Variants in RAD52 observed in about 807,000 individuals in gnomAD.
RAD52 encodes RAD52 DNA repair protein.
In RAD52, 47 loss-of-function variants were observed where a neutral mutation model predicts 55.5. The ratio of observed to expected loss-of-function variants is 0.85; its 90% CI spans 0.67 to 1.08. The LOEUF is 1.08. RAD52 is among the 50% of genes least tolerant of loss of function. The pLI is 0.00. For synonymous variants in RAD52, 184 were observed against 198.9 expected (o/e 0.92, Z 0.63); for missense variants, 468 against 522.8 (o/e 0.90, Z 1.02).
rs990128109 is a variant in RAD52, at chr12:913,327, G to A, written c.*64C>T. Reference sequence around the variant, plus strand: ...CTCCAGCAGCGATGAACAATTTCATGACCAAAAAGTAGTTTTCCAAAGTCC... The same window carrying A: ...CTCCAGCAGCGATGAACAATTTCATAACCAAAAAGTAGTTTTCCAAAGTCC... On this transcript the variant is annotated 3_prime_UTR_variant, in exon 12 of 12. Coordinates refer to ENST00000358495, the MANE Select transcript of RAD52 (RefSeq NM_134424.4). 11 of 1,228,618 alleles carry A rather than the reference G, an allele frequency of 9.0e-6. No individual in the cohort carries two copies. The highest frequency in any genetic ancestry group is 1.3e-5 in the Non-Finnish European group (11 of 850,390). 76.1% of individuals were successfully genotyped at this position (1,228,618 alleles called of 1,614,324 possible). A position where few individuals can be genotyped will look rare whatever the true frequency, so the allele number is the denominator to read the frequency against.
intron 1 of RAD52, among the ~76,000 whole-genome samples, chr12:971,173 T>A (rs1050381804): frequency 1.3e-5 from 2 of 152,214 alleles, no homozygotes; most frequent in African/African-American, 4.8e-5. Flanking sequence ...CATTGGGGCC[T>A]AATATTTCCC....
intron 1 of RAD52, among the ~76,000 whole-genome samples, chr12:971,909 T>C (rs972323127): frequency 6.6e-6 from 1 of 152,136 alleles, no homozygotes; most frequent in African/African-American, 2.4e-5. Context: ...CTGCCTTGGC[T>C]GGCTAATTTT....
At chr12:955,782 T>G (rs1592467400) in intron 1 of RAD52, among the ~76,000 whole-genome samples, 1 of 151,802 alleles carries the variant, frequency 6.6e-6, no homozygotes, top group East Asian at 1.9e-4. Flanking sequence ...ATTTTTGTTT[T>G]TTTTGTTTTT....
chr12:955,385 AG>A (rs1204928502), intron 1 of RAD52, among the ~76,000 whole-genome samples: 1 of 152,186 alleles, frequency 6.6e-6, no homozygotes, highest in African/African-American at 2.4e-5. Context: ...TAGAAGATAC[AG>A]TGATGCTTAG....
intron 1 of RAD52, among the ~76,000 whole-genome samples, chr12:940,899 T>C (rs1224584941): frequency 2.0e-5 from 3 of 152,010 alleles, no homozygotes; most frequent in Non-Finnish European, 4.4e-5. Context: ...CTCAGGATCC[T>C]GTGGGCTAAT....
intron 10 of RAD52, 78 bp from the exon 11 acceptor site, chr12:914,199 C>G: frequency 7.1e-7 from 1 of 1,406,874 alleles, no homozygotes; most frequent in Non-Finnish European, 9.8e-7. Context: ...AACTGGCCCT[C>G]AGAAATTCCA....
upstream of RAD52, among the ~76,000 whole-genome samples, chr12:952,268 A>T (rs1339176299): frequency 3.3e-5 from 5 of 152,020 alleles, no homozygotes; most frequent in Non-Finnish European, 5.9e-5. Context: ...CTGGCTAATT[A>T]AAAAAATTTT....
chr12:918,408 G>GT (rs144646669), intron 7 of RAD52, among the ~76,000 whole-genome samples: 1 of 151,880 alleles, frequency 6.6e-6, no homozygotes, highest in Non-Finnish European at 1.5e-5. Flanking sequence ...TTTTTGTTTT[G>GT]TTTTTTGAGA....
chr12:930,977 T>TTAA (rs1555173615), intron 3 of RAD52, among the ~76,000 whole-genome samples: 2 of 141,798 alleles, frequency 1.4e-5, no homozygotes, highest in Non-Finnish European at 3.1e-5. Flanking sequence ...TCTTTAAAAA[T>TTAA]AAAAAAAAAA....
chr12:915,769 G>A (rs1281279144), intron 9 of RAD52, among the ~76,000 whole-genome samples: 2 of 151,940 alleles, frequency 1.3e-5, no homozygotes, highest in Non-Finnish European at 2.9e-5. Flanking sequence ...CCAGGCTGGA[G>A]TGCAGTGGCA....
intron 1 of RAD52, among the ~76,000 whole-genome samples, chr12:957,783 C>A (rs955197968): frequency 5.9e-5 from 9 of 152,142 alleles, no homozygotes; most frequent in African/African-American, 2.2e-4. Context: ...GAGTGAGGCC[C>A]TATCTCAAAA....
intron 7 of RAD52, among the ~76,000 whole-genome samples, chr12:921,830 G>A (rs1956742318): frequency 6.6e-6 from 1 of 152,102 alleles, no homozygotes; most frequent in African/African-American, 2.4e-5. Flanking sequence ...GGTTGGCTGG[G>A]TGCGGGGGCT....
chr12:972,744 C>A (rs373783653), intron 1 of RAD52, among the ~76,000 whole-genome samples: 2 of 128,548 alleles, frequency 1.6e-5, no homozygotes, highest in African/African-American at 3.1e-5. Context: ...CCAGCCTGGG[C>A]GACAGAGCGA....
Position 914,056 on chromosome 12 carries a change from G to T in RAD52, c.1033C>A (p.Pro345Thr). The T allele has an allele frequency of 6.2e-7, 1 of 1,614,124 alleles. No homozygotes were observed. The highest frequency in any genetic ancestry group is 2.2e-5 in the East Asian group (1 of 44,876). Residue 345 changes from proline to threonine, a missense_variant, in exon 11 of 12, where the codon CCC becomes ACC. Pro to Thr is a conservative substitution (Grantham distance 38, BLOSUM62 -1). Coordinates refer to ENST00000358495, the MANE Select transcript of RAD52 (RefSeq NM_134424.4). ...TGGGCTGGGTCTGCTCTAGACGAGG[G>T]CTTGACCACACCATCCCCTGCATCG... is the stretch of plus-strand genomic sequence containing the variant. ...TPDAGDGVVK[P>T]SSRADPAQTS...
intron 1 of RAD52, among the ~76,000 whole-genome samples, chr12:970,628 T>A (rs957604301): frequency 2.0e-5 from 3 of 152,092 alleles, no homozygotes; most frequent in African/African-American, 7.2e-5. Context: ...CAAAGAACAG[T>A]AAGAAATTAG....
In RAD52 at chr12:916,405, G is replaced by C. The variant is rs780177889; in HGVS notation, c.804C>G (p.Phe268Leu). 1 of 1,609,024 alleles carries C rather than the reference G, an allele frequency of 6.2e-7. No individual in the cohort carries two copies. The highest frequency in any genetic ancestry group is 2.2e-5 in the East Asian group (1 of 44,810). ...CCTGCTGCTTCTCCATCCGCTCCCG[G>C]AACTGCTGCTGCAGCTGCTTCTGCC... ...KLRQKQLQQQ[F>L]RERMEKQQVR... The change falls in exon 9 of 12, where the codon TTC (phenylalanine) becomes TTG (leucine). Residue 268 changes from phenylalanine to leucine, a missense_variant. Phe to Leu is a conservative substitution (Grantham distance 22). Coordinates refer to ENST00000358495, the MANE Select transcript of RAD52 (RefSeq NM_134424.4).
At chr12:982,594 G>C (rs1160299644) in intron 1 of RAD52, among the ~76,000 whole-genome samples, 1 of 148,230 alleles carries the variant, frequency 6.7e-6, no homozygotes, top group Non-Finnish European at 1.5e-5. Context: ...TTCCGTCTGA[G>C]ACCTCCCCAG....
chr12:914,517 G>A lies in RAD52; in HGVS notation c.881C>T (p.Pro294Leu). The change falls in exon 10 of 12, where the codon CCT becomes CTT. Residue 294 changes from proline (P) to leucine (L), a missense_variant. Transcript: ENST00000358495. ...AEKSEAAPPA[P>L]PVTHSTPVTV... ...TACAGGAGTGCTGTGCGTCACAGGA[G>A]GGGCCGGAGGCGCTGCTACGGTTCA... 1 of 1,613,624 alleles carries A rather than the reference G, an allele frequency of 6.2e-7. No homozygotes were observed.
chr12:951,589 C>T (rs2154119990), upstream of RAD52, among the ~76,000 whole-genome samples: 1 of 152,268 alleles, frequency 6.6e-6, no homozygotes, highest in African/African-American at 2.4e-5. Context: ...TTTGTGTCCT[C>T]TCCTTTTTTC....
Sources: allele counts gnomAD v4.1 joint callset (sites outside exome capture counted in the v4.1 genomes callset), GRCh38; gene constraint gnomAD v4.1.1; transcripts MANE v1.5; gene names NCBI Gene and HGNC (gene_info 2026-07-23, HGNC 2026-07-21).